Variants in ITIH5 observed in about 807,000 individuals in gnomAD.
The protein encoded by ITIH5 is inter-alpha-trypsin inhibitor heavy chain 5, also known as inter-alpha-trypsin inhibitor heavy chain H5.
ITIH5 carries 65 observed loss-of-function variants against 77.5 expected under a neutral mutation model. The ratio of observed to expected loss-of-function variants is 0.84; its 90% CI spans 0.69 to 1.03. The LOEUF is 1.03. Ranked by LOEUF, ITIH5 falls within the 50% of genes least tolerant of loss-of-function variation. The pLI is 0.00. For missense variants in ITIH5, 1,208 were observed against 1,213.1 expected (o/e 1.00, Z 0.06); for synonymous variants, 525 against 494.3 (o/e 1.06, Z -0.82).
At chr10:7,594,428 G>C (rs1303738604) in intron 7 of ITIH5, among the ~76,000 whole-genome samples, 1 of 152,154 alleles carries the variant, frequency 6.6e-6, no homozygotes, top group Non-Finnish European at 1.5e-5. Flanking sequence ...AGGCCAGCCT[G>C]CTTGAGACAG....
intron 5 of ITIH5, among the ~76,000 whole-genome samples, chr10:7,622,792 T>C (rs886454618): frequency 1.3e-5 from 2 of 152,232 alleles, no homozygotes; most frequent in African/African-American, 4.8e-5. Flanking sequence ...ACACAGAATT[T>C]TGCACGTAAG....
chr10:7,610,349 G>A (rs941312744), intron 7 of ITIH5, among the ~76,000 whole-genome samples: 26 of 152,140 alleles, frequency 1.7e-4, no homozygotes, highest in African/African-American at 6.0e-4. Context: ...ACAGCTTTGG[G>A]GGCTCCCCAG....
intron 5 of ITIH5, among the ~76,000 whole-genome samples, chr10:7,631,640 T>C (rs1368069039): frequency 6.6e-6 from 1 of 152,048 alleles, no homozygotes; most frequent in Admixed American, 6.5e-5. Context: ...TGGGAAGAGG[T>C]TGTTTCCACC....
chr10:7,598,542 C>G (rs1484821004), intron 7 of ITIH5, among the ~76,000 whole-genome samples: 1 of 152,096 alleles, frequency 6.6e-6, no homozygotes, highest in Non-Finnish European at 1.5e-5. Context: ...TCACAGGGCT[C>G]CTATATTTTA....
At chr10:7,651,700 A>G (rs1231407547) in intron 2 of ITIH5, among the ~76,000 whole-genome samples, 1 of 152,178 alleles carries the variant, frequency 6.6e-6, no homozygotes, top group African/African-American at 2.4e-5. Flanking sequence ...AGGACCAGGT[A>G]CCTGACAACT....
chr10:7,628,381 C>G (rs1413034076), intron 5 of ITIH5, among the ~76,000 whole-genome samples: 2 of 152,212 alleles, frequency 1.3e-5, no homozygotes, highest in Non-Finnish European at 2.9e-5. Flanking sequence ...ACACATGTGA[C>G]CTTTTCAGTC....
At chr10:7,655,002 T>C (rs1045813063) in intron 2 of ITIH5, among the ~76,000 whole-genome samples, 5 of 152,088 alleles carry the variant, frequency 3.3e-5, no homozygotes, top group African/African-American at 9.7e-5. Context: ...CAAACAAAGA[T>C]AGTCATGATT....
At position 7,644,312 on chromosome 10, in the gene ITIH5, A is replaced by G. The variant is rs116742623; in HGVS notation, c.136-2222T>C. ...ATCATATATATCATACATATCACAT[A>G]TATATCATACATATCACATATATAT... On this transcript the variant is annotated intron_variant, in intron 2 of 13. Transcript: ENST00000397146. 7.0e-3 allele frequency among the ~76,000 whole-genome samples: 1,035 copies of G among 148,432 alleles called. 15 individuals carry two copies. Among genetic ancestry groups the G allele is most frequent in the African/African-American group, 0.024 (964 of 40,740 alleles).
Position 7,563,301 on chromosome 10 carries a change from C to T in ITIH5, c.2611G>A (p.Val871Met), listed in dbSNP as rs1832075148. Residue 871 changes from valine (V) to methionine (M), a missense_variant, in exon 14 of 14, where the codon GTG (valine) becomes ATG (methionine). Coordinates refer to ENST00000397146, the MANE Select transcript of ITIH5 (RefSeq NM_030569.7). Reference sequence around the variant, plus strand: ...AGGACGGCCTCAGGCCCCTCTCCCACCTGAAGGAGCAGAGGGTGAGTGAGG... The same window carrying T: ...AGGACGGCCTCAGGCCCCTCTCCCATCTGAAGGAGCAGAGGGTGAGTGAGG... ...QNLTHPLLLQ[V>M]GEGPEAVLTV... The T allele has an allele frequency of 1.2e-6, 2 of 1,614,120 alleles. No homozygotes were observed. Among genetic ancestry groups the T allele is most frequent in the African/African-American group, 2.7e-5 (2 of 74,934 alleles).
At chr10:7,650,126 C>G (rs1238893195) in intron 2 of ITIH5, among the ~76,000 whole-genome samples, 2 of 152,156 alleles carry the variant, frequency 1.3e-5, no homozygotes, top group South Asian at 2.1e-4. Flanking sequence ...TCATGTGAGG[C>G]ACTTAAAATC....
At chr10:7,589,918 G>GT in intron 7 of ITIH5, among the ~76,000 whole-genome samples, 1 of 151,098 alleles carries the variant, frequency 6.6e-6, no homozygotes, top group East Asian at 2.0e-4. Flanking sequence ...CTTTGCTGTT[G>GT]TCCCCCACCC....
In ITIH5 at chr10:7,666,410, C is replaced by A. The variant is rs574827469; in HGVS notation, c.90+393G>T. Among the ~76,000 whole-genome samples, 32 of 152,186 alleles carry A rather than the reference C, an allele frequency of 2.1e-4. 1 individual carries two copies. In the South Asian group the frequency reaches 6.3e-3, roughly 30 times the overall value. ...GGAGTCTAGAACTCCTCTCATATTG[C>A]CTTTCTCCCTGGATCAACTGGGAAT... On this transcript the variant is annotated intron_variant, in intron 1 of 13. Coordinates refer to ENST00000397146, the MANE Select transcript of ITIH5 (RefSeq NM_030569.7).
intron 7 of ITIH5, among the ~76,000 whole-genome samples, chr10:7,602,505 G>A (rs546102320): frequency 6.8e-4 from 104 of 152,210 alleles, no homozygotes; most frequent in Middle Eastern, 3.4e-3. Context: ...AAGATCTGAC[G>A]GTTTTTTAAG....
At chr10:7,635,905 G>A (rs1036390432) in intron 5 of ITIH5, among the ~76,000 whole-genome samples, 3 of 152,050 alleles carry the variant, frequency 2.0e-5, no homozygotes, top group East Asian at 3.9e-4. Context: ...TTGTGCAGCC[G>A]CAGGCACTGA....
At chr10:7,572,404 A>T in intron 11 of ITIH5, 1 of 1,363,906 alleles carries the variant, frequency 7.3e-7, no homozygotes, top group Non-Finnish European at 9.8e-7. Context: ...ACGAACTGAA[A>T]AAAATGAAAA....
intron 7 of ITIH5, among the ~76,000 whole-genome samples, chr10:7,590,960 G>A (rs112770051): frequency 0.021 from 3,216 of 152,256 alleles, 43 homozygotes; most frequent in Middle Eastern, 0.044. Context: ...GCAGCGGCGC[G>A]GTATCCACTC....
chr10:7,590,137 C>G (rs1234981269), intron 7 of ITIH5, among the ~76,000 whole-genome samples: 1 of 152,132 alleles, frequency 6.6e-6, no homozygotes, highest in Non-Finnish European at 1.5e-5. Context: ...TCAGACTCGA[C>G]TCGGTGGAGA....
chr10:7,614,394 C>G (rs909425933), intron 7 of ITIH5, among the ~76,000 whole-genome samples: 3 of 152,256 alleles, frequency 2.0e-5, no homozygotes, highest in African/African-American at 2.4e-5. Context: ...CCCTGGCCCA[C>G]AGGCCACATG....
intron 7 of ITIH5, among the ~76,000 whole-genome samples, chr10:7,594,739 G>A (rs1373935825): frequency 1.3e-5 from 2 of 152,146 alleles, no homozygotes; most frequent in African/African-American, 4.8e-5. Context: ...GAAACCAAGG[G>A]GATGGGGTTA....
Sources: gnomAD v4.1 joint callset for allele counts (sites outside exome capture counted in the v4.1 genomes callset) on GRCh38, gnomAD v4.1.1 for gene constraint, MANE v1.5 for transcripts, NCBI Gene and HGNC (gene_info 2026-07-23, HGNC 2026-07-21) for gene names.